Variants in FMR1NB observed in about 807,000 individuals in gnomAD.
The protein encoded by FMR1NB is FMR1 neighbor protein.
In FMR1NB, 10 loss-of-function variants were observed where a neutral mutation model predicts 16.8. The observed-to-expected ratio is 0.60, with a 90% CI of 0.37 to 1.01. The LOEUF is 1.01. Among genes scored for constraint, FMR1NB ranks in the 50% least tolerant of loss-of-function variants. The probability of loss-of-function intolerance (pLI) is 0.01; values close to 1 mark genes in which losing one functional copy is unlikely to be tolerated. For missense variants in FMR1NB, 205 were observed against 204.8 expected, an observed-to-expected ratio of 1.00 and a Z score of 0.00; for synonymous variants, 83 against 79.1, an observed-to-expected ratio of 1.05 and a Z score of -0.26.
At chrX:147,987,231 TG>T (rs1262600750) in intron 1 of FMR1NB, among the ~76,000 whole-genome samples, 3 of 111,778 alleles carry the variant, frequency 2.7e-5, no homozygotes, top group Non-Finnish European at 5.6e-5. Context: ...GCTGAGACGA[TG>T]GGGTTTTCTA....
At chrX:148,011,473 T>C (rs7049447) in intron 4 of FMR1NB, among the ~76,000 whole-genome samples, 25,828 of 110,692 alleles carry the variant, frequency 0.23, 3,630 homozygotes, top group African/African-American at 0.53. Context: ...ATTTTTAAGA[T>C]ATAGGCCCTA....
chrX:147,993,368 T>C (rs2044524830), intron 1 of FMR1NB, among the ~76,000 whole-genome samples: 1 of 108,947 alleles, frequency 9.2e-6, no homozygotes, highest in Non-Finnish European at 1.9e-5. Flanking sequence ...ACAGTCCAGC[T>C]TCGGTTCCGC....
intron 4 of FMR1NB, among the ~76,000 whole-genome samples, chrX:148,009,836 C>T (rs2044614775): frequency 8.9e-6 from 1 of 112,040 alleles, no homozygotes; most frequent in Non-Finnish European, 1.9e-5. Context: ...ATATACACTG[C>T]CTTACTTTGG....
At chrX:147,987,977 T>C (rs145420671) in intron 1 of FMR1NB, among the ~76,000 whole-genome samples, 7 of 111,671 alleles carry the variant, frequency 6.3e-5, no homozygotes, top group Non-Finnish European at 1.1e-4. Context: ...AATTTGCCAG[T>C]CTCTGTATTG....
At chrX:148,000,365 A>G (rs1425662539) in intron 1 of FMR1NB, among the ~76,000 whole-genome samples, 1 of 111,859 alleles carries the variant, frequency 8.9e-6, no homozygotes, top group Non-Finnish European at 1.9e-5. Context: ...CATCTGTTTT[A>G]GTCTAGAAAA....
intron 1 of FMR1NB, among the ~76,000 whole-genome samples, chrX:147,996,320 A>G (rs996965783): frequency 4.5e-5 from 5 of 111,941 alleles, no homozygotes; most frequent in Non-Finnish European, 9.4e-5. Context: ...ACACTTCAAA[A>G]TAAATATCAC....
intron 1 of FMR1NB, among the ~76,000 whole-genome samples, chrX:147,993,114 C>T (rs1482767687): frequency 9.0e-6 from 1 of 110,508 alleles, no homozygotes; most frequent in East Asian, 2.9e-4. Context: ...CACTGCACTC[C>T]AGCCTGGGCA....
chrX:147,981,740 G>T (rs2044448832), intron 1 of FMR1NB, 61 bp downstream of exon 1: 1 of 934,553 alleles, frequency 1.1e-6, no homozygotes, highest in African/African-American at 2.1e-5. Flanking sequence ...GAGGGAGAGG[G>T]GGGCGGGGTG....
At chrX:148,006,625 T>C (rs1395353098) in intron 2 of FMR1NB, 77 bp from the exon 3 acceptor site, 4 of 1,051,431 alleles carry the variant, frequency 3.8e-6, no homozygotes, top group Non-Finnish European at 5.1e-6. Context: ...CTTCTTTGTC[T>C]TCCAGTAATT....
intron 1 of FMR1NB, among the ~76,000 whole-genome samples, chrX:147,985,602 G>T (rs1432924474): frequency 9.0e-6 from 1 of 111,404 alleles, no homozygotes; most frequent in African/African-American, 3.3e-5. Flanking sequence ...GTTTGCTGAG[G>T]ATGATGGTTC....
At chrX:148,010,494 T>C (rs1557189524) in intron 4 of FMR1NB, among the ~76,000 whole-genome samples, 1 of 111,923 alleles carries the variant, frequency 8.9e-6, no homozygotes. Flanking sequence ...GTGCAGGCCA[T>C]AGTCAGCTTT....
At position 148,024,940 on chromosome X, in the gene FMR1NB, G is replaced by A. The variant is rs782475138; in HGVS notation, c.708G>A (p.Lys236=). The A allele has an allele frequency of 1.7e-6, 2 of 1,211,237 alleles. No homozygotes were observed. The highest frequency in any genetic ancestry group is 3.5e-5 in the South Asian group (2 of 56,920). ...TGLKKQRRKR[K]RKSEMLQKAA... The stretch of plus-strand genomic sequence containing the variant: ...TGAAGAAACAAAGAAGGAAGCGAAA[G>A]AGGAAGTCTGAAATGTTACAGAAAG... The change falls in exon 5 of 6, where the codon AAG becomes AAA. Residue 236 remains lysine (K), a synonymous_variant. Coordinates refer to ENST00000370467, the MANE Select transcript of FMR1NB (RefSeq NM_152578.3).
intron 1 of FMR1NB, among the ~76,000 whole-genome samples, chrX:147,992,298 C>T (rs1198458089): frequency 3.4e-5 from 3 of 87,691 alleles, no homozygotes; most frequent in African/African-American, 1.3e-4. Context: ...GCTGACCCCC[C>T]CCACCTCCCT....
intron 1 of FMR1NB, among the ~76,000 whole-genome samples, chrX:147,982,917 G>T (rs1358373053): frequency 1.8e-5 from 2 of 112,037 alleles, no homozygotes; most frequent in Non-Finnish European, 3.8e-5. Context: ...AAAAATTGAA[G>T]TGAAATTCAT....
At chrX:148,018,001 C>T (rs1162492855) in intron 4 of FMR1NB, among the ~76,000 whole-genome samples, 5 of 106,033 alleles carry the variant, frequency 4.7e-5, no homozygotes, top group Non-Finnish European at 7.8e-5. Flanking sequence ...AATAAACATA[C>T]GTGTGCATGT....
At chrX:148,004,382 G>A (rs1193483843) in intron 2 of FMR1NB, among the ~76,000 whole-genome samples, 2 of 111,931 alleles carry the variant, frequency 1.8e-5, no homozygotes, top group African/African-American at 3.2e-5. Context: ...AAAATGGTTC[G>A]AAAAAGATAT....
At chrX:148,000,511 A>C (rs781936885) in intron 1 of FMR1NB, among the ~76,000 whole-genome samples, 1 of 112,293 alleles carries the variant, frequency 8.9e-6, no homozygotes, top group Non-Finnish European at 1.9e-5. Flanking sequence ...TCCTATATAA[A>C]ACATTAGCAC....
At chrX:148,023,309 C>T (rs1357787654) in intron 4 of FMR1NB, among the ~76,000 whole-genome samples, 1 of 111,290 alleles carries the variant, frequency 9.0e-6, no homozygotes, top group Non-Finnish European at 1.9e-5. Context: ...TATTTTTTGC[C>T]TTCATTCACC....
At chrX:148,009,653 C>T (rs190536786) in intron 4 of FMR1NB, among the ~76,000 whole-genome samples, 7 of 110,576 alleles carry the variant, frequency 6.3e-5, no homozygotes, top group East Asian at 2.9e-4. Flanking sequence ...GGTTTGTGCG[C>T]GTGCAAGGTC....
Sources: gnomAD v4.1 joint callset for allele counts (sites outside exome capture counted in the v4.1 genomes callset) on GRCh38, gnomAD v4.1.1 for gene constraint, MANE v1.5 for transcripts, NCBI Gene and HGNC (gene_info 2026-07-23, HGNC 2026-07-21) for gene names.